The following NDST4 variants were observed in gnomAD, a reference collection of about 807,000 sequenced individuals.
NDST4 encodes the protein N-deacetylase and N-sulfotransferase 4.
A neutral mutation model predicts 100.8 loss-of-function variants in NDST4; 63 were observed. The ratio of observed to expected loss-of-function variants is 0.62; its 90% CI spans 0.51 to 0.77. The LOEUF (loss-of-function observed/expected upper bound fraction) is 0.77, where lower values mean the gene tolerates loss of function less well. Ranked by LOEUF, NDST4 falls within the 30% of genes least tolerant of loss-of-function variation. The pLI is 0.00. For missense variants in NDST4, 943 were observed against 1,018.4 expected (o/e 0.93, Z 1.01); for synonymous variants, 377 against 361.8 (o/e 1.04, Z -0.48).
intron 1 of NDST4, among the ~76,000 whole-genome samples, chr4:115,085,750 TC>T (rs1280932731): frequency 3.3e-5 from 5 of 152,162 alleles, no homozygotes; most frequent in African/African-American, 1.2e-4. Flanking sequence ...AAACCTCTTT[TC>T]TTTATAAATT....
chr4:114,998,186 C>T (rs1005163661), intron 2 of NDST4, among the ~76,000 whole-genome samples: 5 of 152,050 alleles, frequency 3.3e-5, no homozygotes, highest in African/African-American at 9.7e-5. Flanking sequence ...TGCAGCTGTC[C>T]ACAAAACTTG....
intron 6 of NDST4, among the ~76,000 whole-genome samples, chr4:114,908,393 TA>T (rs780585348): frequency 2.0e-4 from 31 of 152,298 alleles, no homozygotes; most frequent in Non-Finnish European, 1.8e-4. Context: ...GTTACCAGAA[TA>T]ATATATACTT....
At chr4:114,977,696 T>A (rs1417228268) in intron 2 of NDST4, among the ~76,000 whole-genome samples, 1 of 151,988 alleles carries the variant, frequency 6.6e-6, no homozygotes, top group African/African-American at 2.4e-5. Context: ...CAATTTAATA[T>A]TTTATTTAAC....
At chr4:114,844,296 G>GTAT (rs1723496869) in intron 10 of NDST4, among the ~76,000 whole-genome samples, 1 of 152,150 alleles carries the variant, frequency 6.6e-6, no homozygotes, top group Non-Finnish European at 1.5e-5. Flanking sequence ...AAGAAAATCT[G>GTAT]GTAGTCACAC....
At chr4:114,929,041 T>TGTCCGTCCGTCC (rs1227310987) in intron 6 of NDST4, among the ~76,000 whole-genome samples, 169 of 121,972 alleles carry the variant, frequency 1.4e-3, no homozygotes, top group Non-Finnish European at 2.3e-3. Flanking sequence ...TCTGTCTGTC[T>TGTCCGTCCGTCC]GTCCGTCCGT....
chr4:115,096,496 C>A (rs983125508), intron 1 of NDST4, among the ~76,000 whole-genome samples: 6 of 151,978 alleles, frequency 3.9e-5, no homozygotes, highest in Admixed American at 2.0e-4. Context: ...CAGTAGCAAG[C>A]AGACAAGGAT....
At chr4:115,062,868 G>A (rs902317411) in intron 2 of NDST4, among the ~76,000 whole-genome samples, 2 of 151,802 alleles carry the variant, frequency 1.3e-5, no homozygotes, top group African/African-American at 4.8e-5. Context: ...TGAGCCATAC[G>A]AGTAAAAGTA....
chr4:115,093,399 C>T (rs546077649), intron 1 of NDST4, among the ~76,000 whole-genome samples: 7 of 151,902 alleles, frequency 4.6e-5, no homozygotes, highest in East Asian at 1.9e-4. Context: ...GGCGTGAATC[C>T]GGGAGGCAGA....
At chr4:114,911,795 A>G (rs1043656427) in intron 6 of NDST4, among the ~76,000 whole-genome samples, 11 of 152,158 alleles carry the variant, frequency 7.2e-5, no homozygotes, top group Admixed American at 4.6e-4. Flanking sequence ...ATCTCCTACA[A>G]TAAGTATAGA....
intron 7 of NDST4, among the ~76,000 whole-genome samples, chr4:114,857,889 A>G (rs1723833264): frequency 1.3e-5 from 2 of 152,206 alleles, no homozygotes; most frequent in African/African-American, 4.8e-5. Context: ...GATAGTGTCC[A>G]AAGTGTGTGA....
intron 2 of NDST4, among the ~76,000 whole-genome samples, chr4:115,021,557 A>G (rs1325916576): frequency 3.7e-4 from 18 of 49,202 alleles, no homozygotes; most frequent in African/African-American, 1.2e-3. Flanking sequence ...CATTCCATAT[A>G]TACACACGTT....
At chr4:114,947,597 C>A in intron 4 of NDST4, among the ~76,000 whole-genome samples, 1 of 152,048 alleles carries the variant, frequency 6.6e-6, no homozygotes, top group East Asian at 1.9e-4. Flanking sequence ...CGTGTTAAGT[C>A]AGGTGGAAAT....
In NDST4 at chr4:114,827,932, T is replaced by C. The variant is rs1292343726; in HGVS notation, c.2503A>G (p.Arg835Gly). 16 of 1,586,944 alleles carry C rather than the reference T, an allele frequency of 1.0e-5. No homozygotes were observed. Among genetic ancestry groups the C allele is most frequent in the Non-Finnish European group, 1.3e-5 (15 of 1,172,368 alleles). ...CGGTAGTAATTAGAGAGGAACGTTCTAGACTGGAAAGAAAAAAAGAAGAAC... is the reference window on the plus strand; with the variant it reads ...CGGTAGTAATTAGAGAGGAACGTTCCAGACTGGAAAGAAAAAAAGAAGAAC... ...RKYPPMDPES[R>G]TFLSNYYRDH... The change falls in exon 14 of 14, where the codon AGA (arginine) becomes GGA (glycine). Residue 835 changes from arginine to glycine, a missense_variant. Coordinates refer to ENST00000264363, the MANE Select transcript of NDST4 (RefSeq NM_022569.3).
rs147515531 is a variant in NDST4 at position 114,926,308 on chromosome 4, T to C, written c.1536+8898A>G. ...CCTCATATCATTTAATTTTCAATTG[T>C]TAGGCTCATTTGGGCAAAGTAAGTT... On this transcript the variant is annotated intron_variant, in intron 6 of 13. Coordinates refer to ENST00000264363, the MANE Select transcript of NDST4 (RefSeq NM_022569.3). 1.5e-3 allele frequency among the ~76,000 whole-genome samples: 229 copies of C among 152,186 alleles called. 1 individual carries two copies. The highest frequency in any genetic ancestry group is 2.8e-3 in the Non-Finnish European group (188 of 67,928).
chr4:114,867,646 T>TAAAAAAAAAAAAAAAAGA (rs1724055656), intron 7 of NDST4, among the ~76,000 whole-genome samples: 1 of 26,778 alleles, frequency 3.7e-5, no homozygotes, highest in African/African-American at 8.4e-5. Flanking sequence ...ATGAGAATTA[T>TAAAAAAAAAAAAAAAAGA]AAAAAAAAAA....
At chr4:114,885,188 G>C (rs1465177278) in intron 6 of NDST4, among the ~76,000 whole-genome samples, 1 of 152,026 alleles carries the variant, frequency 6.6e-6, no homozygotes, top group Non-Finnish European at 1.5e-5. Flanking sequence ...ATAACATTGT[G>C]AACAAAAACA....
At chr4:115,078,684 CA>C (rs895004627) in intron 1 of NDST4, among the ~76,000 whole-genome samples, 3 of 151,426 alleles carry the variant, frequency 2.0e-5, no homozygotes, top group Non-Finnish European at 2.9e-5. Context: ...ACTAAAAATA[CA>C]AAAAAAATTA....
intron 2 of NDST4, among the ~76,000 whole-genome samples, chr4:114,992,106 C>T (rs76619939): frequency 9.6e-4 from 146 of 151,890 alleles, no homozygotes; most frequent in Middle Eastern, 3.4e-3. Flanking sequence ...TCACAATTAA[C>T]GAACCAATAT....
intron 2 of NDST4, among the ~76,000 whole-genome samples, chr4:115,038,996 C>T (rs28404350): frequency 0.039 from 5,904 of 152,088 alleles, 417 homozygotes; most frequent in African/African-American, 0.13. Context: ...AAAAAAAATT[C>T]TCAAAATATG....
Sources: gnomAD v4.1 joint callset for allele counts (sites outside exome capture counted in the v4.1 genomes callset) on GRCh38, gnomAD v4.1.1 for gene constraint, MANE v1.5 for transcripts, NCBI Gene and HGNC (gene_info 2026-07-23, HGNC 2026-07-21) for gene names.